The following SPCS1 variants were observed in gnomAD, a reference collection of about 807,000 sequenced individuals.
SPCS1 encodes the protein SPase 12 kDa subunit.
Under a neutral mutation model 16.4 loss-of-function variants are expected in SPCS1, and 10 were observed. That is an observed-to-expected ratio of 0.61 (90% CI 0.38 to 1.03). The LOEUF (loss-of-function observed/expected upper bound fraction) is 1.03. Ranked by LOEUF, SPCS1 falls within the 50% of genes least tolerant of loss-of-function variation. SPCS1 has a pLI of 0.01. For missense variants in SPCS1, 118 were observed against 123.8 expected (o/e 0.95, Z 0.22); for synonymous variants, 47 against 42.5 (o/e 1.10, Z -0.41).
Position 52,706,297 on chromosome 3 carries a change from C to T in SPCS1, c.36+15C>T, listed in dbSNP as rs759281527. ...CCACGCAGATGGTGAGGGCGCAACC[C>T]GGGGACCTCTGCACGCCGTTCTTGT... On this transcript the variant is annotated intron_variant, in intron 1 of 3. Transcript: ENST00000619898. 1 of 1,592,522 alleles carries T rather than the reference C, an allele frequency of 6.3e-7. No homozygotes were observed. Among genetic ancestry groups the T allele is most frequent in the Non-Finnish European group, 8.5e-7 (1 of 1,176,224 alleles).
intron 3 of SPCS1, 118 bp from the exon 4 acceptor site, chr3:52,707,569 T>TG: frequency 1.8e-6 from 2 of 1,087,232 alleles, no homozygotes; most frequent in South Asian, 3.1e-5. Flanking sequence ...ATATGGATTT[T>TG]TTTTTTTGTT....
chr3:52,707,047 T>C, intron 3 of SPCS1, 168 bp downstream of exon 3: 1 of 647,982 alleles, frequency 1.5e-6, no homozygotes, highest in South Asian at 1.8e-5. Context: ...TGTCAGATGG[T>C]GCGAACTATA....
intron 3 of SPCS1, 60 bp downstream of exon 3, chr3:52,706,939 A>C (rs2097345252): frequency 8.3e-7 from 1 of 1,208,062 alleles, no homozygotes; most frequent in African/African-American, 1.5e-5. Flanking sequence ...TGGTTTGGTT[A>C]GACCTACTCA....
At chr3:52,706,549 T>G in intron 1 of SPCS1, 95 bp from the exon 2 acceptor site, 2 of 1,200,654 alleles carry the variant, frequency 1.7e-6, no homozygotes, top group Non-Finnish European at 2.4e-6. Flanking sequence ...GACCCTGATG[T>G]TGGGGTTACC....
At position 52,707,701 on chromosome 3, in the gene SPCS1, A is replaced by G. The variant is rs754676127; in HGVS notation, c.198A>G (p.Pro66=). The change falls in exon 4 of 4, where the codon CCA becomes CCG. Residue 66 remains proline (P), a synonymous_variant. Transcript: ENST00000619898. The part of the protein sequence containing the change: ...FAFSCLLTLP[P]WPIYRRHPLK... Reference sequence around the variant, plus strand: ...TTCTGGCCCAGCTGACACTTCCTCCATGGCCCATCTATCGCCGGCATCCTC... The same window carrying G: ...TTCTGGCCCAGCTGACACTTCCTCCGTGGCCCATCTATCGCCGGCATCCTC... 3.1e-6 allele frequency: 5 copies of G among 1,614,008 alleles called. No individual in the cohort carries two copies. In the Admixed American group the frequency reaches 6.7e-5, roughly 22 times the overall value.
Position 52,706,879 on chromosome 3 carries a change from G to A in SPCS1, c.183G>A (p.Leu61=). Residue 61 remains leucine (L), a splice_region_variant and synonymous_variant, in exon 3 of 4, where the codon TTG becomes TTA. Coordinates refer to ENST00000619898, the MANE Select transcript of SPCS1 (RefSeq NM_014041.5). ...TGGCCGGATTTGCTTTTTCATGTTT[G>A]GTAAGAAATTTGTGGGTATTAGTGG... is the stretch of plus-strand genomic sequence containing the variant. ...IVMAGFAFSC[L]LTLPPWPIYR... The A allele has an allele frequency of 1.9e-6, 3 of 1,613,118 alleles. No homozygotes were observed. Among genetic ancestry groups the A allele is most frequent in the Non-Finnish European group, 2.5e-6 (3 of 1,179,192 alleles).
chr3:52,711,146 C>G lies in SPCS1; in HGVS notation c.*3334C>G, dbSNP rs913290281. The G allele has an allele frequency of 5.9e-5, 9 of 152,362 alleles. No homozygotes were observed. Among genetic ancestry groups the G allele is most frequent in the African/African-American group, 2.2e-4 (9 of 41,400 alleles). 9.4% of individuals were successfully genotyped at this position (152,362 alleles called of 1,614,324 possible). ...GTAAAAACATACTGATTTACAAAGC[C>G]AATGTGTCTCAGTTTTAATTTGTAT... On this transcript the variant is annotated 3_prime_UTR_variant, in exon 4 of 4. Coordinates refer to ENST00000619898, the MANE Select transcript of SPCS1 (RefSeq NM_014041.5).
rs979856577 is a variant in SPCS1 at position 52,707,740 on chromosome 3, T to C, written c.237T>C (p.Pro79=). Residue 79 remains proline (P), a synonymous_variant, in exon 4 of 4, where the codon CCT becomes CCC. Coordinates refer to ENST00000619898, the MANE Select transcript of SPCS1 (RefSeq NM_014041.5). ...IYRRHPLKWL[P]VQESSTDDKK... ...GCCGGCATCCTCTCAAGTGGTTACC[T>C]GTTCAAGAATCAAGCACAGACGACA... 7.4e-6 allele frequency: 12 copies of C among 1,614,032 alleles called. No homozygotes were observed. The highest frequency in any genetic ancestry group is 1.0e-5 in the Non-Finnish European group (12 of 1,180,034).
chr3:52,707,526 T>G, intron 3 of SPCS1, 161 bp from the exon 4 acceptor site: 1 of 685,632 alleles, frequency 1.5e-6, no homozygotes, highest in South Asian at 2.0e-5. Flanking sequence ...ATACAGTATT[T>G]TGCATGGATG....
In SPCS1 at chr3:52,709,755, A is replaced by C. The variant is rs1008069372; in HGVS notation, c.*1943A>C. ...GTGAGATTCCTTTAATTCTAATAAA[A>C]TACCTACTTTATACCAATACATTAG... On this transcript the variant is annotated 3_prime_UTR_variant, in exon 4 of 4. Transcript: ENST00000619898. 2 of 151,888 alleles carry C rather than the reference A, an allele frequency of 1.3e-5. No homozygotes were observed. Among genetic ancestry groups the C allele is most frequent in the African/African-American group, 4.8e-5 (2 of 41,362 alleles). 9.4% of individuals were successfully genotyped at this position (151,888 alleles called of 1,614,324 possible). A position where few individuals can be genotyped will look rare whatever the true frequency, so the allele number is the denominator to read the frequency against.
chr3:52,706,479 T>A (rs1366257506), intron 1 of SPCS1, 165 bp from the exon 2 acceptor site: 28 of 840,946 alleles, frequency 3.3e-5, no homozygotes, highest in Non-Finnish European at 4.8e-5. Context: ...TGAGGGTGTT[T>A]CAGTTCCTCC....
rs950125332 is a variant in SPCS1, at chr3:52,706,151, C to T, written c.-96C>T. 6.5e-7 allele frequency: 1 copy of T among 1,542,918 alleles called. No homozygotes were observed. The highest frequency in any genetic ancestry group is 8.7e-7 in the Non-Finnish European group (1 of 1,147,934). Reference sequence around the variant, plus strand: ...CTTAGAAGGCCCGGCTACTGACGCGCAGTGCCAGACCTTACCCCTCACGGT... The same window carrying T: ...CTTAGAAGGCCCGGCTACTGACGCGTAGTGCCAGACCTTACCCCTCACGGT... On this transcript the variant is annotated 5_prime_UTR_variant, in exon 1 of 4. Transcript: ENST00000619898.
At chr3:52,707,577 G>GT (rs1460860297) in intron 3 of SPCS1, 110 bp from the exon 4 acceptor site, 37 of 1,082,792 alleles carry the variant, frequency 3.4e-5, no homozygotes, top group Non-Finnish European at 4.8e-5. Context: ...TTTTTTTTTT[G>GT]TTTTTTTGTT....
At chr3:52,706,329 C>A in intron 1 of SPCS1, 47 bp downstream of exon 1, 2 of 1,566,292 alleles carry the variant, frequency 1.3e-6, no homozygotes, top group Non-Finnish European at 1.7e-6. Context: ...TTGTGCCTGG[C>A]AGCTTCGAAG....
chr3:52,706,988 A>G (rs2097345282), intron 3 of SPCS1, 109 bp downstream of exon 3: 3 of 804,764 alleles, frequency 3.7e-6, no homozygotes, highest in Non-Finnish European at 6.6e-6. Flanking sequence ...TCATCCTTCC[A>G]AACAGCGTTT....
intron 1 of SPCS1, 82 bp downstream of exon 1, chr3:52,706,364 G>C (rs2097344735): frequency 6.9e-7 from 1 of 1,451,058 alleles, no homozygotes; most frequent in Non-Finnish European, 9.3e-7. Context: ...CCGACCCGGT[G>C]CTGCGCTGTT....
rs986015785 is a variant in SPCS1 at position 52,707,712 on chromosome 3, A to G, written c.209A>G (p.Tyr70Cys). The change falls in exon 4 of 4, where the codon TAT (tyrosine) becomes TGT (cysteine). Residue 70 changes from tyrosine to cysteine, a missense_variant. Coordinates refer to ENST00000619898, the MANE Select transcript of SPCS1 (RefSeq NM_014041.5). ...CLLTLPPWPI[Y>C]RRHPLKWLPV... ...CTGACACTTCCTCCATGGCCCATCT[A>G]TCGCCGGCATCCTCTCAAGTGGTTA... is the stretch of plus-strand genomic sequence containing the variant. 2 of 1,613,886 alleles carry G rather than the reference A, an allele frequency of 1.2e-6. No homozygotes were observed. The highest frequency in any genetic ancestry group is 1.3e-5 in the African/African-American group (1 of 74,886).
chr3:52,708,323 A>G lies in SPCS1; in HGVS notation c.*511A>G, dbSNP rs1314333206. On this transcript the variant is annotated 3_prime_UTR_variant, in exon 4 of 4. Transcript: ENST00000619898. ...TAAGGCAGGAGGATGACTTGAGCCC[A>G]GGAGTTTGAGACATTTCATGGTATG... 6.5e-6 allele frequency: 1 copy of G among 153,672 alleles called. No homozygotes were observed. Among genetic ancestry groups the G allele is most frequent in the East Asian group, 1.9e-4 (1 of 5,222 alleles). The allele number at this position is 153,672 out of a possible 1,614,324, so 9.5% of individuals were successfully genotyped here. A position where few individuals can be genotyped will look rare whatever the true frequency, so the allele number is the denominator to read the frequency against.
Position 52,710,973 on chromosome 3 carries a change from A to C in SPCS1, c.*3161A>C, listed in dbSNP as rs1312665787. On this transcript the variant is annotated 3_prime_UTR_variant, in exon 4 of 4. Transcript: ENST00000619898. ...AAAGACAACTAATATCTTACAGTAC[A>C]TGAAGACAAACTTCAGGAGACAAAC... 6.5e-6 allele frequency: 1 copy of C among 152,676 alleles called. No individual in the cohort carries two copies. The highest frequency in any genetic ancestry group is 1.5e-5 in the Non-Finnish European group (1 of 68,044). The allele number at this position is 152,676 out of a possible 1,614,324, so 9.5% of individuals were successfully genotyped here. A position where few individuals can be genotyped will look rare whatever the true frequency, so the allele number is the denominator to read the frequency against.
Sources: allele counts gnomAD v4.1 joint callset, GRCh38; gene constraint gnomAD v4.1.1; transcripts MANE v1.5; gene names NCBI Gene and HGNC (gene_info 2026-07-23, HGNC 2026-07-21).